SPRYD4: variants seen among roughly 807,000 people sequenced by gnomAD.
The protein encoded by SPRYD4 is SPRY domain containing 4, also known as SPRY domain-containing protein 4.
A neutral mutation model predicts 16.6 loss-of-function variants in SPRYD4; 12 were observed. The ratio of observed to expected loss-of-function variants is 0.72; its 90% CI spans 0.46 to 1.17. SPRYD4 has a LOEUF of 1.17. SPRYD4 is among the 50% of genes most tolerant of loss of function. The probability of loss-of-function intolerance (pLI) is 0.00; values close to 1 mark genes in which losing one functional copy is unlikely to be tolerated. For synonymous variants in SPRYD4, 98 were observed against 105.4 expected (o/e 0.93, Z 0.43); for missense variants, 260 against 260.2 (o/e 1.00, Z 0.00).
At position 56,474,865 on chromosome 12, in the gene SPRYD4, G is replaced by GTAGAGAT. The variant is rs755309973; in HGVS notation, c.*5288_*5289insTAGAGAT. Reference sequence around the variant, plus strand: ...TCTTACCTGGAAGTAGAGATCAAGGGCAGCCATCATGTCCACCCCCTTAGG... The same window carrying GTAGAGAT: ...TCTTACCTGGAAGTAGAGATCAAGGGTAGAGATCAGCCATCATGTCCACCCCCTTAGG... On this transcript the variant is annotated 3_prime_UTR_variant, in exon 2 of 2. Transcript: ENST00000338146. 6.2e-7 allele frequency: 1 copy of GTAGAGAT among 1,614,170 alleles called. No individual in the cohort carries two copies. Among genetic ancestry groups the GTAGAGAT allele is most frequent in the Non-Finnish European group, 8.5e-7 (1 of 1,180,030 alleles).
Position 56,475,020 on chromosome 12 carries a change from T to C in SPRYD4, c.*5443T>C. On this transcript the variant is annotated 3_prime_UTR_variant, in exon 2 of 2. Transcript: ENST00000338146. The stretch of plus-strand genomic sequence containing the variant: ...CTAGCAGCAGAATTCCCAGGGACTT[T>C]CTCTTCCGGCCTCTTCTGGTTACCT... 1 of 1,614,056 alleles carries C rather than the reference T, an allele frequency of 6.2e-7. No homozygotes were observed. Among genetic ancestry groups the C allele is most frequent in the Non-Finnish European group, 8.5e-7 (1 of 1,180,036 alleles).
chr12:56,478,195 A>G lies in SPRYD4; in HGVS notation c.*8618A>G, dbSNP rs1251088174. The G allele has an allele frequency of 2.5e-6, 4 of 1,614,122 alleles. No individual in the cohort carries two copies. In the African/African-American group the frequency reaches 5.3e-5, roughly 22 times the overall value. Reference sequence around the variant, plus strand: ...CCCAGCATCTCACCGTTGACCATCCACAGTGCACAGGGAGACACCCCACAG... The same window carrying G: ...CCCAGCATCTCACCGTTGACCATCCGCAGTGCACAGGGAGACACCCCACAG... On this transcript the variant is annotated 3_prime_UTR_variant, in exon 2 of 2. Transcript: ENST00000338146.
Position 56,477,701 on chromosome 12 carries a change from T to C in SPRYD4, c.*8124T>C. On this transcript the variant is annotated 3_prime_UTR_variant, in exon 2 of 2. Transcript: ENST00000338146. ...ACAACAATGGCACCAGCATTGACCA[T>C]GGGGTTATGGGGGATTCCTGGGGAA... The C allele has an allele frequency of 6.2e-7, 1 of 1,613,014 alleles. No homozygotes were observed. The highest frequency in any genetic ancestry group is 8.5e-7 in the Non-Finnish European group (1 of 1,179,546).
Position 56,474,251 on chromosome 12 carries a change from G to A in SPRYD4, c.*4674G>A, listed in dbSNP as rs1030209832. ...ATTACAGGTGCACACCACCACCCCC[G>A]GCTAATTTTTTGTATTTAGTAGAGA... On this transcript the variant is annotated 3_prime_UTR_variant, in exon 2 of 2. Coordinates refer to ENST00000338146, the MANE Select transcript of SPRYD4 (RefSeq NM_207344.4). The A allele has an allele frequency of 7.3e-5, 27 of 372,250 alleles. No individual in the cohort carries two copies. The highest frequency in any genetic ancestry group is 8.6e-4 in the Middle Eastern group (1 of 1,166). 23.1% of individuals were successfully genotyped at this position (372,250 alleles called of 1,614,324 possible). A position where few individuals can be genotyped will look rare whatever the true frequency, so the allele number is the denominator to read the frequency against.
intron 1 of SPRYD4, 85 bp downstream of exon 1, chr12:56,468,761 C>A: frequency 1.4e-6 from 2 of 1,426,920 alleles, no homozygotes; most frequent in Non-Finnish European, 2.0e-6. Context: ...GCAACTCCAA[C>A]CCTCTCGGGT....
chr12:56,473,295 T>C lies in SPRYD4; in HGVS notation c.*3718T>C, dbSNP rs762783950. 3.7e-6 allele frequency: 6 copies of C among 1,614,210 alleles called. No individual in the cohort carries two copies. The Admixed American group carries it at 1.0e-4, about 27-fold the overall frequency. Reference sequence around the variant, plus strand: ...ACAGTGCCTCAGGTTGTCATAGTTGTGGAAATTGAAGAGAGACACCAACTT... The same window carrying C: ...ACAGTGCCTCAGGTTGTCATAGTTGCGGAAATTGAAGAGAGACACCAACTT... On this transcript the variant is annotated 3_prime_UTR_variant, in exon 2 of 2. Coordinates refer to ENST00000338146, the MANE Select transcript of SPRYD4 (RefSeq NM_207344.4).
rs760752446 is a variant in SPRYD4 at position 56,472,802 on chromosome 12, G to T, written c.*3225G>T. On this transcript the variant is annotated 3_prime_UTR_variant, in exon 2 of 2. Coordinates refer to ENST00000338146, the MANE Select transcript of SPRYD4 (RefSeq NM_207344.4). ...ACATTAATTGAACTCACCTATGCCA[G>T]CTGTGCCCTGTGACCCTCCTCCATG... 2.6e-6 allele frequency: 4 copies of T among 1,534,426 alleles called. No individual in the cohort carries two copies. In the Admixed American group the frequency reaches 6.7e-5, roughly 26 times the overall value.
chr12:56,471,424 T>TATGG lies in SPRYD4; in HGVS notation c.*1850_*1853dup. On this transcript the variant is annotated 3_prime_UTR_variant, in exon 2 of 2. Coordinates refer to ENST00000338146, the MANE Select transcript of SPRYD4 (RefSeq NM_207344.4). Reference sequence around the variant, plus strand: ...AGCTCTCCATAGTATTTTTGGTGGTTATGGATTACATGTGTGGCCAGCTCA... The same window carrying TATGG: ...AGCTCTCCATAGTATTTTTGGTGGTTATGGATGGATTACATGTGTGGCCAGCTCA... 1 of 1,521,136 alleles carries TATGG rather than the reference T, an allele frequency of 6.6e-7. No homozygotes were observed. The highest frequency in any genetic ancestry group is 8.9e-7 in the Non-Finnish European group (1 of 1,129,052). 94.2% of individuals were successfully genotyped at this position (1,521,136 alleles called of 1,614,324 possible).
chr12:56,474,508 G>C lies in SPRYD4; in HGVS notation c.*4931G>C, dbSNP rs1170953817. On this transcript the variant is annotated 3_prime_UTR_variant, in exon 2 of 2. Transcript: ENST00000338146. Reference sequence around the variant, plus strand: ...CAGTGTTCTCTCTTCTTAGCACTGGGCTCATGACAGATGGATAGCAGAGCC... The same window carrying C: ...CAGTGTTCTCTCTTCTTAGCACTGGCCTCATGACAGATGGATAGCAGAGCC... The C allele has an allele frequency of 4.3e-6, 7 of 1,610,994 alleles. No individual in the cohort carries two copies. The highest frequency in any genetic ancestry group is 5.1e-6 in the Non-Finnish European group (6 of 1,179,306).
Position 56,469,333 on chromosome 12 carries a change from C to G in SPRYD4, c.380C>G (p.Ala127Gly). ...VDDRSWVFTY[A>G]QRKWYTMLAN... ...GATCGTTCCTGGGTGTTCACCTATG[C>G]CCAGCGCAAGTGGTACACCATGTTG... Residue 127 changes from alanine to glycine, a missense_variant, in exon 2 of 2, where the codon GCC becomes GGC. Ala to Gly is a moderately conservative substitution (Grantham distance 60). Transcript: ENST00000338146. 7.4e-6 allele frequency: 12 copies of G among 1,614,150 alleles called. No individual in the cohort carries two copies. The highest frequency in any genetic ancestry group is 9.3e-6 in the Non-Finnish European group (11 of 1,180,028).
At position 56,478,606 on chromosome 12, in the gene SPRYD4, G is replaced by T. The variant is rs917588425; in HGVS notation, c.*9029G>T. ...GATTCCCTCACCTGCTCTAGGAATC[G>T]TGTATAGAAACACATGAAGCCATGT... On this transcript the variant is annotated 3_prime_UTR_variant, in exon 2 of 2. Coordinates refer to ENST00000338146, the MANE Select transcript of SPRYD4 (RefSeq NM_207344.4). The T allele has an allele frequency of 1.0e-5, 3 of 300,616 alleles. No individual in the cohort carries two copies. Among genetic ancestry groups the T allele is most frequent in the African/African-American group, 6.5e-5 (3 of 46,054 alleles). The allele number at this position is 300,616 out of a possible 1,614,324, so 18.6% of individuals were successfully genotyped here.
In SPRYD4 at chr12:56,471,977, T is replaced by C. The variant is rs376294276; in HGVS notation, c.*2400T>C. On this transcript the variant is annotated 3_prime_UTR_variant, in exon 2 of 2. Coordinates refer to ENST00000338146, the MANE Select transcript of SPRYD4 (RefSeq NM_207344.4). ...TGTACCCTGCAGCACTCAGTCATAG[T>C]CTAGCTGCAAACCGAAGGGTGTCTA... 6.3e-6 allele frequency: 8 copies of C among 1,263,684 alleles called. No individual in the cohort carries two copies. The East Asian group carries it at 9.3e-5, about 15-fold the overall frequency. 78.3% of individuals were successfully genotyped at this position (1,263,684 alleles called of 1,614,324 possible).
Position 56,473,815 on chromosome 12 carries a change from C to T in SPRYD4, c.*4238C>T. ...TATTTTTTGAAATACTTACAGCATT[C>T]TGTGCTAGATGCTGTGCTAGAACTA... On this transcript the variant is annotated 3_prime_UTR_variant, in exon 2 of 2. Transcript: ENST00000338146. 1.8e-6 allele frequency: 1 copy of T among 541,794 alleles called. No homozygotes were observed. The highest frequency in any genetic ancestry group is 3.1e-6 in the Non-Finnish European group (1 of 320,284). The allele number at this position is 541,794 out of a possible 1,614,324, so 33.6% of individuals were successfully genotyped here. A position where few individuals can be genotyped will look rare whatever the true frequency, so the allele number is the denominator to read the frequency against.
In SPRYD4 at chr12:56,479,178, A is replaced by G; in HGVS notation, c.*9601A>G. The G allele has an allele frequency of 6.2e-7, 1 of 1,613,614 alleles. No homozygotes were observed. Among genetic ancestry groups the G allele is most frequent in the Non-Finnish European group, 8.5e-7 (1 of 1,179,976 alleles). On this transcript the variant is annotated 3_prime_UTR_variant, in exon 2 of 2. Coordinates refer to ENST00000338146, the MANE Select transcript of SPRYD4 (RefSeq NM_207344.4). Reference sequence around the variant, plus strand: ...TCAGGAGCACAATGTTGCTGCTCACACACCTGGATCCCAGACACGATTGGA... The same window carrying G: ...TCAGGAGCACAATGTTGCTGCTCACGCACCTGGATCCCAGACACGATTGGA...
Position 56,478,108 on chromosome 12 carries a change from C to G in SPRYD4, c.*8531C>G. On this transcript the variant is annotated 3_prime_UTR_variant, in exon 2 of 2. Coordinates refer to ENST00000338146, the MANE Select transcript of SPRYD4 (RefSeq NM_207344.4). ...GGCCCACAGAGTGCCTGGAGGCAGA[C>G]AGATGCCATGAAAGGGGTTGGCCTG... 1.2e-6 allele frequency: 2 copies of G among 1,613,962 alleles called. No individual in the cohort carries two copies. Among genetic ancestry groups the G allele is most frequent in the South Asian group, 2.2e-5 (2 of 91,064 alleles).
At position 56,474,437 on chromosome 12, in the gene SPRYD4, GTGAA is replaced by G. The variant is rs914244991; in HGVS notation, c.*4864_*4867del. 3 of 1,392,502 alleles carry G rather than the reference GTGAA, an allele frequency of 2.2e-6. No individual in the cohort carries two copies. In the African/African-American group the frequency reaches 4.3e-5, roughly 20 times the overall value. 86.3% of individuals were successfully genotyped at this position (1,392,502 alleles called of 1,614,324 possible). A position where few individuals can be genotyped will look rare whatever the true frequency, so the allele number is the denominator to read the frequency against. ...AACCTAATTGCCTTCCTGGAAGTTA[GTGAA>G]TGAGAGGCAGGAACAAGCTTCCACC... On this transcript the variant is annotated 3_prime_UTR_variant, in exon 2 of 2. Transcript: ENST00000338146.
chr12:56,468,737 C>A (rs565238115), intron 1 of SPRYD4, 61 bp downstream of exon 1: 1 of 1,556,608 alleles, frequency 6.4e-7, no homozygotes, highest in South Asian at 1.1e-5. Context: ...TATTCCCAGA[C>A]CCCACTCCGA....
Position 56,479,232 on chromosome 12 carries a change from C to A in SPRYD4, c.*9655C>A, listed in dbSNP as rs1432032358. On this transcript the variant is annotated 3_prime_UTR_variant, in exon 2 of 2. Coordinates refer to ENST00000338146, the MANE Select transcript of SPRYD4 (RefSeq NM_207344.4). ...GGGGGCTAGAGAAATGCAGCTGGGA[C>A]TCACTCTGGAGCCACGGAAATTGGG... 1 of 1,601,654 alleles carries A rather than the reference C, an allele frequency of 6.2e-7. No individual in the cohort carries two copies. The highest frequency in any genetic ancestry group is 8.5e-7 in the Non-Finnish European group (1 of 1,176,512).
Position 56,474,438 on chromosome 12 carries a change from T to G in SPRYD4, c.*4861T>G. 5 of 1,401,692 alleles carry G rather than the reference T, an allele frequency of 3.6e-6. No homozygotes were observed. In the South Asian group the frequency reaches 6.3e-5, roughly 18 times the overall value. 86.8% of individuals were successfully genotyped at this position (1,401,692 alleles called of 1,614,324 possible). ...ACCTAATTGCCTTCCTGGAAGTTAGTGAATGAGAGGCAGGAACAAGCTTCC... is the reference window on the plus strand; with the variant it reads ...ACCTAATTGCCTTCCTGGAAGTTAGGGAATGAGAGGCAGGAACAAGCTTCC... On this transcript the variant is annotated 3_prime_UTR_variant, in exon 2 of 2. Coordinates refer to ENST00000338146, the MANE Select transcript of SPRYD4 (RefSeq NM_207344.4).
Sources: allele counts gnomAD v4.1 joint callset, GRCh38; gene constraint gnomAD v4.1.1; transcripts MANE v1.5; gene names NCBI Gene and HGNC (gene_info 2026-07-23, HGNC 2026-07-21).